SEMA3E: variants seen among roughly 807,000 people sequenced by gnomAD.
SEMA3E encodes semaphorin 3E, also known as semaphorin-3E.
A neutral mutation model predicts 93.6 loss-of-function variants in SEMA3E; 49 were observed. The observed-to-expected ratio is 0.52, with a 90% CI of 0.42 to 0.66. SEMA3E has a LOEUF of 0.66. Ranked by LOEUF, SEMA3E falls within the 30% of genes least tolerant of loss-of-function variation. SEMA3E has a pLI of 0.00. For synonymous variants in SEMA3E, 363 were observed against 330.7 expected, an observed-to-expected ratio of 1.10 and a Z score of -1.06; for missense variants, 906 against 964.8, an observed-to-expected ratio of 0.94 and a Z score of 0.81.
chr7:83,511,577 C>T (rs1790819950), intron 1 of SEMA3E, among the ~76,000 whole-genome samples: 1 of 152,034 alleles, frequency 6.6e-6, no homozygotes, highest in South Asian at 2.1e-4. Context: ...CTCTATTCTC[C>T]AATAGCAACA....
intron 2 of SEMA3E, 82 bp downstream of exon 2, chr7:83,490,032 C>A (rs182265087): frequency 7.3e-7 from 1 of 1,369,672 alleles, no homozygotes; most frequent in East Asian, 2.4e-5. Context: ...GTGGTCAATA[C>A]AATTAAAAAA....
At chr7:83,537,135 A>G (rs1791424990) in intron 1 of SEMA3E, among the ~76,000 whole-genome samples, 1 of 151,998 alleles carries the variant, frequency 6.6e-6, no homozygotes, top group African/African-American at 2.4e-5. Flanking sequence ...ATCTGCAAGC[A>G]GGAAGACAGC....
intron 3 of SEMA3E, 135 bp from the exon 4 acceptor site, chr7:83,466,736 G>T (rs1250914843): frequency 1.9e-6 from 2 of 1,069,386 alleles, no homozygotes; most frequent in African/African-American, 1.6e-5. Flanking sequence ...GGCAAGAGGG[G>T]TAGAAGAAAA....
chr7:83,533,706 T>C (rs1451758126), intron 1 of SEMA3E, among the ~76,000 whole-genome samples: 4 of 152,206 alleles, frequency 2.6e-5, no homozygotes, highest in African/African-American at 4.8e-5. Flanking sequence ...TTCAGGTCCC[T>C]ACTGTGCCTC....
rs201112364 is a variant in SEMA3E, at chr7:83,637,023, AGTGT to A, written c.115+11401_115+11404del. Among the ~76,000 whole-genome samples, 7 of 148,992 alleles carry A rather than the reference AGTGT, an allele frequency of 4.7e-5. No individual in the cohort carries two copies. In the East Asian group the frequency reaches 9.9e-4, roughly 21 times the overall value. On this transcript the variant is annotated intron_variant, in intron 1 of 16. Coordinates refer to ENST00000643230, the MANE Select transcript of SEMA3E (RefSeq NM_012431.3). ...GGTTTGACTAAAAGCTATGTGTGAG[AGTGT>A]GTGTGTGTGTGTATGTGTGTGTGTG...
At chr7:83,556,747 T>G (rs1430521382) in intron 1 of SEMA3E, among the ~76,000 whole-genome samples, 6 of 152,306 alleles carry the variant, frequency 3.9e-5, no homozygotes, top group African/African-American at 1.4e-4. Context: ...ACGTTGAAAC[T>G]TAATCCCCAG....
At chr7:83,411,372 A>T (rs940760893) in intron 5 of SEMA3E, among the ~76,000 whole-genome samples, 8 of 152,150 alleles carry the variant, frequency 5.3e-5, no homozygotes, top group African/African-American at 1.7e-4. Flanking sequence ...GGTGCTAAAA[A>T]CTGTAAGCAA....
At chr7:83,422,648 G>A (rs1788688496) in intron 4 of SEMA3E, among the ~76,000 whole-genome samples, 1 of 152,178 alleles carries the variant, frequency 6.6e-6, no homozygotes, top group African/African-American at 2.4e-5. Context: ...ATACTAGGCT[G>A]CTTTCAAAAA....
At chr7:83,480,419 CTCTG>C (rs1046494090) in intron 2 of SEMA3E, among the ~76,000 whole-genome samples, 4 of 152,148 alleles carry the variant, frequency 2.6e-5, no homozygotes, top group Middle Eastern at 3.4e-3. Context: ...CAGAGTGAGA[CTCTG>C]TCTAAAATAA....
intron 1 of SEMA3E, among the ~76,000 whole-genome samples, chr7:83,575,374 A>G (rs1340693181): frequency 2.8e-4 from 43 of 151,860 alleles, no homozygotes. Flanking sequence ...AGTACAAGGT[A>G]TCTTTTAGAG....
intron 4 of SEMA3E, among the ~76,000 whole-genome samples, chr7:83,431,150 G>A (rs1345251372): frequency 1.3e-5 from 2 of 150,018 alleles, no homozygotes; most frequent in East Asian, 1.9e-4. Context: ...TAATATAGTA[G>A]GATATTTTTT....
At chr7:83,388,127 G>A (rs1787921728) in intron 14 of SEMA3E, among the ~76,000 whole-genome samples, 1 of 148,128 alleles carries the variant, frequency 6.8e-6, no homozygotes, top group Non-Finnish European at 1.5e-5. Context: ...TGACCAACAT[G>A]GTGAAACCCC....
intron 4 of SEMA3E, among the ~76,000 whole-genome samples, chr7:83,446,902 G>T (rs1373276586): frequency 2.0e-5 from 3 of 152,138 alleles, no homozygotes; most frequent in African/African-American, 7.2e-5. Flanking sequence ...CACAGGGTAT[G>T]TACTTAATAC....
At chr7:83,635,261 A>G (rs910245203) in intron 1 of SEMA3E, among the ~76,000 whole-genome samples, 2 of 151,768 alleles carry the variant, frequency 1.3e-5, no homozygotes, top group African/African-American at 4.9e-5. Context: ...GCTGTTTTCA[A>G]AAGAAATTAT....
At chr7:83,587,410 G>C (rs189770409) in intron 1 of SEMA3E, among the ~76,000 whole-genome samples, 1 of 152,198 alleles carries the variant, frequency 6.6e-6, no homozygotes, top group East Asian at 1.9e-4. Flanking sequence ...ATGGATAAGC[G>C]TCCCTCATTA....
At position 83,453,978 on chromosome 7, in the gene SEMA3E, G is replaced by A. The variant is rs1048380943; in HGVS notation, c.456+12504C>T. Among the ~76,000 whole-genome samples the A allele has an allele frequency of 3.3e-5, 5 of 151,494 alleles. No homozygotes were observed. The South Asian group carries it at 1.0e-3, about 32-fold the overall frequency. On this transcript the variant is annotated intron_variant, in intron 4 of 16. Coordinates refer to ENST00000643230, the MANE Select transcript of SEMA3E (RefSeq NM_012431.3). ...TACCTACTATTAAAGATAATTTTGG[G>A]CCGGGCGTGATGGTTCAAGCCTGTA...
intron 1 of SEMA3E, among the ~76,000 whole-genome samples, chr7:83,562,351 G>A (rs1364277595): frequency 6.6e-6 from 1 of 151,974 alleles, no homozygotes; most frequent in African/African-American, 2.4e-5. Context: ...GTAATTGAGA[G>A]TCAATATCTT....
In SEMA3E at chr7:83,472,115, T is replaced by C. The variant is rs1262327010; in HGVS notation, c.277-2813A>G. Among the ~76,000 whole-genome samples, 4 of 152,228 alleles carry C rather than the reference T, an allele frequency of 2.6e-5. No homozygotes were observed. In the East Asian group the frequency reaches 7.7e-4, roughly 29 times the overall value. ...CATCAAACAAATTGTTACCTTTTTGTACATGCCCTTTTTGGATCTGTGTAA... is the reference window on the plus strand; with the variant it reads ...CATCAAACAAATTGTTACCTTTTTGCACATGCCCTTTTTGGATCTGTGTAA... On this transcript the variant is annotated intron_variant, in intron 2 of 16. Transcript: ENST00000643230.
chr7:83,473,905 CAAACATGGTG>C (rs1789954611), intron 2 of SEMA3E, among the ~76,000 whole-genome samples: 1 of 151,880 alleles, frequency 6.6e-6, no homozygotes, highest in Non-Finnish European at 1.5e-5. Context: ...ACCAGCCTGG[CAAACATGGTG>C]AAATCTTGTC....
Sources: gnomAD v4.1 joint callset for allele counts (sites outside exome capture counted in the v4.1 genomes callset) on GRCh38, gnomAD v4.1.1 for gene constraint, MANE v1.5 for transcripts, NCBI Gene and HGNC (gene_info 2026-07-23, HGNC 2026-07-21) for gene names.